Variants in ELF1 observed in about 807,000 individuals in gnomAD.
ELF1 encodes the protein ETS-related transcription factor Elf-1.
ELF1 carries 24 observed loss-of-function variants against 59.9 expected under a neutral mutation model. The ratio of observed to expected loss-of-function variants is 0.40; its 90% CI spans 0.29 to 0.56. The LOEUF is 0.56. ELF1 is among the 20% of genes least tolerant of loss of function. ELF1 has a pLI of 0.44. For missense variants in ELF1, 627 were observed against 742.2 expected (o/e 0.84, Z 1.80); for synonymous variants, 248 against 266.2 (o/e 0.93, Z 0.67).
chr13:40,966,941 C>G (rs1872212244), intron 2 of ELF1, among the ~76,000 whole-genome samples: 1 of 152,210 alleles, frequency 6.6e-6, no homozygotes, highest in African/African-American at 2.4e-5. Flanking sequence ...ATCTTTGCAT[C>G]AAGGCAAGAA....
chr13:40,956,150 A>T (rs1396217046), intron 3 of ELF1, among the ~76,000 whole-genome samples: 1 of 150,416 alleles, frequency 6.6e-6, no homozygotes, highest in South Asian at 2.1e-4. Flanking sequence ...GGTGGGGAAA[A>T]GACTGAGAAA....
At chr13:41,035,563 T>C (rs1198894848) in intron 1 of ELF1, among the ~76,000 whole-genome samples, 1 of 152,124 alleles carries the variant, frequency 6.6e-6, no homozygotes, top group Non-Finnish European at 1.5e-5. Context: ...ATGGTAGCCC[T>C]GTTTAGGAAT....
chr13:40,952,388 G>T (rs1433249323), intron 3 of ELF1, among the ~76,000 whole-genome samples: 1 of 150,850 alleles, frequency 6.6e-6, no homozygotes, highest in East Asian at 1.9e-4. Context: ...TTGAGACAAG[G>T]TCTTACCCTG....
In ELF1 at chr13:41,048,234, G is replaced by A. The variant is rs145887118; in HGVS notation, c.-229+12604C>T. On this transcript the variant is annotated intron_variant, in intron 1 of 1. Transcript: ENST00000405737. ...GACCCCTTGCGCTTCCAGGTGAGGCGATGCCTCGCCCTGCTTCGGCTCACG... is the reference window on the plus strand; with the variant it reads ...GACCCCTTGCGCTTCCAGGTGAGGCAATGCCTCGCCCTGCTTCGGCTCACG... 5.7e-3 allele frequency among the ~76,000 whole-genome samples: 861 copies of A among 152,318 alleles called. 7 individuals are homozygous for A. The highest frequency in any genetic ancestry group is 0.019 in the African/African-American group (809 of 41,570).
intron 1 of ELF1, among the ~76,000 whole-genome samples, chr13:41,030,756 T>A (rs1305996341): frequency 6.7e-6 from 1 of 148,224 alleles, no homozygotes; most frequent in Admixed American, 6.8e-5. Flanking sequence ...CTCACACACA[T>A]AAAAAGAAAG....
chr13:40,972,977 T>A (rs1872664727), intron 2 of ELF1, among the ~76,000 whole-genome samples: 1 of 152,248 alleles, frequency 6.6e-6, no homozygotes, highest in East Asian at 1.9e-4. Flanking sequence ...AGGGAGGAGA[T>A]TACAGATAGC....
intron 1 of ELF1, among the ~76,000 whole-genome samples, chr13:41,033,401 A>C (rs1947586904): frequency 1.3e-5 from 2 of 152,234 alleles, no homozygotes; most frequent in South Asian, 4.1e-4. Context: ...TCAAATACAT[A>C]ACGAAAAGAG....
At chr13:41,000,396 A>G (rs973540478) in intron 1 of ELF1, among the ~76,000 whole-genome samples, 7 of 151,636 alleles carry the variant, frequency 4.6e-5, no homozygotes, top group African/African-American at 1.7e-4. Context: ...TAATTTTTGT[A>G]TTTTTAGCAG....
intron 3 of ELF1, among the ~76,000 whole-genome samples, chr13:40,954,092 G>C (rs1871039836): frequency 6.6e-6 from 1 of 152,172 alleles, no homozygotes; most frequent in Non-Finnish European, 1.5e-5. Context: ...TACACATACA[G>C]ATCAGACAGC....
At chr13:41,017,721 AATAAG>A (rs1224921014) in intron 1 of ELF1, among the ~76,000 whole-genome samples, 1 of 152,192 alleles carries the variant, frequency 6.6e-6, no homozygotes, top group East Asian at 1.9e-4. Context: ...CTCTTTAATA[AATAAG>A]ATCTTAATTA....
At chr13:40,951,507 T>A in intron 3 of ELF1, 71 bp from the exon 4 acceptor site, 4 of 1,163,306 alleles carry the variant, frequency 3.4e-6, no homozygotes, top group East Asian at 2.4e-5. Flanking sequence ...ATACACCGCT[T>A]ATCTCTAGAA....
intron 1 of ELF1, among the ~76,000 whole-genome samples, chr13:40,992,090 GATAAA>G (rs1197463421): frequency 2.0e-5 from 3 of 152,138 alleles, no homozygotes; most frequent in Non-Finnish European, 2.9e-5. Context: ...GAAGAACTCT[GATAAA>G]ATAATGTCAC....
At chr13:41,053,449 G>A (rs1310022851) in intron 1 of ELF1, among the ~76,000 whole-genome samples, 1 of 152,140 alleles carries the variant, frequency 6.6e-6, no homozygotes, top group African/African-American at 2.4e-5. Flanking sequence ...GGTCTCTATG[G>A]TGAAGTATCA....
intron 1 of ELF1, among the ~76,000 whole-genome samples, chr13:41,004,795 C>T (rs1459772581): frequency 1.3e-5 from 2 of 152,014 alleles, no homozygotes; most frequent in Admixed American, 6.6e-5. Context: ...AAAGTAAATA[C>T]CTTTTAAATA....
intron 2 of ELF1, among the ~76,000 whole-genome samples, chr13:40,961,698 A>C (rs1871833093): frequency 1.3e-5 from 2 of 152,248 alleles, no homozygotes; most frequent in Non-Finnish European, 2.9e-5. Flanking sequence ...CACCTAGCAT[A>C]AACATGGACT....
At chr13:41,008,670 T>C (rs997080956) in intron 1 of ELF1, among the ~76,000 whole-genome samples, 1 of 152,210 alleles carries the variant, frequency 6.6e-6, no homozygotes, top group Non-Finnish European at 1.5e-5. Flanking sequence ...CAGAATCTCA[T>C]TGTTCTAACT....
intron 2 of ELF1, among the ~76,000 whole-genome samples, chr13:40,980,315 A>C (rs1229569923): frequency 6.6e-6 from 1 of 152,206 alleles, no homozygotes; most frequent in East Asian, 1.9e-4. Context: ...CATGGTTAAT[A>C]CTTATAAAAT....
chr13:41,050,528 C>A (rs141608433), intron 1 of ELF1, among the ~76,000 whole-genome samples: 1 of 152,284 alleles, frequency 6.6e-6, no homozygotes, highest in East Asian at 1.9e-4. Context: ...TATCAAGAAG[C>A]AGAATTGCTG....
intron 1 of ELF1, among the ~76,000 whole-genome samples, chr13:40,990,732 G>A (rs1158475235): frequency 1.3e-5 from 2 of 151,216 alleles, no homozygotes; most frequent in African/African-American, 4.9e-5. Flanking sequence ...GTGTGTGCCT[G>A]TAGTCCCAGC....
Sources: gnomAD v4.1 joint callset for allele counts (sites outside exome capture counted in the v4.1 genomes callset) on GRCh38, gnomAD v4.1.1 for gene constraint, MANE v1.5 for transcripts, NCBI Gene and HGNC (gene_info 2026-07-23, HGNC 2026-07-21) for gene names.